TRMT1L: variants seen among roughly 807,000 people sequenced by gnomAD.
TRMT1L encodes the protein tRNA methyltransferase 1L.
A neutral mutation model predicts 81.6 loss-of-function variants in TRMT1L; 28 were observed. The ratio of observed to expected loss-of-function variants is 0.34; its 90% CI spans 0.25 to 0.47. The LOEUF (loss-of-function observed/expected upper bound fraction) is 0.47, where lower values mean the gene tolerates loss of function less well. Ranked by LOEUF, TRMT1L falls within the 20% of genes least tolerant of loss-of-function variation. The pLI is 1.00. For missense variants in TRMT1L, 739 were observed against 877.1 expected, an observed-to-expected ratio of 0.84 and a Z score of 1.99; for synonymous variants, 301 against 303.2, an observed-to-expected ratio of 0.99 and a Z score of 0.07.
rs1652436578 is a variant in TRMT1L, at chr1:185,119,251, T to A, written c.*768A>T. 1 of 152,124 alleles carries A rather than the reference T, an allele frequency of 6.6e-6. No homozygotes were observed. The highest frequency in any genetic ancestry group is 1.5e-5 in the Non-Finnish European group (1 of 68,014). 9.4% of individuals were successfully genotyped at this position (152,124 alleles called of 1,614,324 possible). ...AACCAAATGAATACTGTACGTGCAT[T>A]AACTGAGGCACTTAAGATCACCCAA... On this transcript the variant is annotated 3_prime_UTR_variant, in exon 15 of 15. Coordinates refer to ENST00000367506, the MANE Select transcript of TRMT1L (RefSeq NM_030934.5).
At chr1:185,122,712 T>C (rs2102227361) in intron 13 of TRMT1L, among the ~76,000 whole-genome samples, 1 of 141,632 alleles carries the variant, frequency 7.1e-6, no homozygotes, top group African/African-American at 2.7e-5. Context: ...TTTGAGACAG[T>C]CTCGATCTGT....
At chr1:185,135,427 AAAAG>A (rs1279674565) in intron 10 of TRMT1L, among the ~76,000 whole-genome samples, 10 of 151,750 alleles carry the variant, frequency 6.6e-5, no homozygotes, top group African/African-American at 2.2e-4. Flanking sequence ...AAAAAAAAAA[AAAAG>A]AAAGAAAAAC....
chr1:185,122,687 T>C (rs1652528477), intron 13 of TRMT1L, among the ~76,000 whole-genome samples: 1 of 148,222 alleles, frequency 6.7e-6, no homozygotes, highest in Non-Finnish European at 1.5e-5. Context: ...ATCTAATTTT[T>C]TTTTTTTTTT....
chr1:185,141,702 T>C (rs1653049686), intron 7 of TRMT1L, among the ~76,000 whole-genome samples: 1 of 152,088 alleles, frequency 6.6e-6, no homozygotes, highest in Non-Finnish European at 1.5e-5. Flanking sequence ...AAACTCTGTC[T>C]CAAAAGAGTA....
chr1:185,127,194 C>T (rs530513984), intron 11 of TRMT1L, among the ~76,000 whole-genome samples: 1 of 152,250 alleles, frequency 6.6e-6, no homozygotes, highest in African/African-American at 2.4e-5. Context: ...TTTTAATTTC[C>T]TCAGTTCTGA....
Position 185,138,225 on chromosome 1 carries a change from C to T in TRMT1L, c.1323-429G>A, listed in dbSNP as rs184066658. On this transcript the variant is annotated intron_variant, in intron 9 of 14. Coordinates refer to ENST00000367506, the MANE Select transcript of TRMT1L (RefSeq NM_030934.5). The stretch of plus-strand genomic sequence containing the variant: ...TACTGAAAATTGAGTGAAAAAAGAA[C>T]AGTCAAAGTCCTTTCCACCATTAAT... Among the ~76,000 whole-genome samples the T allele has an allele frequency of 2.6e-5, 4 of 152,160 alleles. No homozygotes were observed. In the East Asian group the frequency reaches 5.8e-4, roughly 22 times the overall value.
rs1208982042 is a variant in TRMT1L at position 185,124,968 on chromosome 1, C to G, written c.1735G>C (p.Ala579Pro). 6.2e-7 allele frequency: 1 copy of G among 1,610,920 alleles called. No homozygotes were observed. The highest frequency in any genetic ancestry group is 1.7e-5 in the Admixed American group (1 of 59,918). Residue 579 changes from alanine to proline, a missense_variant, in exon 12 of 15, where the codon GCA (alanine) becomes CCA (proline). By Grantham distance (27) the Ala-to-Pro change is conservative. Coordinates refer to ENST00000367506, the MANE Select transcript of TRMT1L (RefSeq NM_030934.5). ...CCTTGCTTGTTGACATTTGAAGATGCATGAATTGAAAACTGACTTTGAGGC... is the reference window on the plus strand; with the variant it reads ...CCTTGCTTGTTGACATTTGAAGATGGATGAATTGAAAACTGACTTTGAGGC... ...CTPQSQFSIH[A>P]SSNVNKQEEN...
chr1:185,123,960 A>C, intron 12 of TRMT1L, 41 bp from the exon 13 acceptor site: 1 of 1,172,580 alleles, frequency 8.5e-7, no homozygotes. Context: ...TATTTTACAG[A>C]ATGACATAAA....
chr1:185,128,777 A>G (rs1652696892), intron 10 of TRMT1L, 30 bp from the exon 11 acceptor site: 2 of 1,556,478 alleles, frequency 1.3e-6, no homozygotes, highest in East Asian at 2.2e-5. Context: ...GGAGAAATCA[A>G]AGGAGAAATG....
intron 7 of TRMT1L, among the ~76,000 whole-genome samples, chr1:185,141,696 T>A (rs1308834237): frequency 6.6e-6 from 1 of 152,042 alleles, no homozygotes; most frequent in African/African-American, 2.4e-5. Context: ...AGAGCGAAAC[T>A]CTGTCTCAAA....
chr1:185,143,846 G>A (rs1653114622), intron 6 of TRMT1L, 60 bp downstream of exon 6: 2 of 1,433,466 alleles, frequency 1.4e-6, no homozygotes, highest in South Asian at 2.8e-5. Context: ...TAAAGGTTAA[G>A]AGAAGGTACA....
chr1:185,130,686 T>C (rs1335826532), intron 10 of TRMT1L, among the ~76,000 whole-genome samples: 1 of 152,212 alleles, frequency 6.6e-6, no homozygotes, highest in Non-Finnish European at 1.5e-5. Flanking sequence ...CAATCAAGCG[T>C]CTGTGTCCTC....
chr1:185,139,124 CCTTTT>C (rs1249288059), intron 9 of TRMT1L, among the ~76,000 whole-genome samples: 1 of 152,172 alleles, frequency 6.6e-6, no homozygotes, highest in East Asian at 1.9e-4. Flanking sequence ...TTCACTTTTA[CCTTTT>C]CTTTCTTATA....
rs374554074 is a variant in TRMT1L at position 185,128,527 on chromosome 1, TAGG to T, written c.1592+139_1592+141del. 1.7e-4 allele frequency: 123 copies of T among 735,902 alleles called. No homozygotes were observed. The African/African-American group carries it at 1.7e-3, about 10-fold the overall frequency. 45.6% of individuals were successfully genotyped at this position (735,902 alleles called of 1,614,324 possible). On this transcript the variant is annotated intron_variant, in intron 11 of 14. Transcript: ENST00000367506. ...CAAAATATTAAACACCTCAGGTTCA[TAGG>T]AGGAGAAGAGTCATAATTATTTGCC...
intron 7 of TRMT1L, among the ~76,000 whole-genome samples, chr1:185,141,744 G>A (rs1169599485): frequency 6.6e-6 from 1 of 152,088 alleles, no homozygotes; most frequent in Non-Finnish European, 1.5e-5. Flanking sequence ...AGAATACTGA[G>A]AAATAAATTT....
chr1:185,120,073 T>C lies in TRMT1L; in HGVS notation c.2148A>G (p.Arg716=), dbSNP rs1652460862. 1 of 1,614,032 alleles carries C rather than the reference T, an allele frequency of 6.2e-7. No individual in the cohort carries two copies. The change falls in exon 15 of 15, where the codon AGA becomes AGG. Residue 716 remains arginine (R), a synonymous_variant. Transcript: ENST00000367506. ...QSASEDTVTE[R]VEMSVNDKAE... ...CTTTGTCATTCACTGACATTTCAAC[T>C]CTTTCAGTTACTGTATCTTCAGATG...
intron 10 of TRMT1L, chr1:185,137,319 T>G (rs1652924484): frequency 2.4e-6 from 1 of 421,238 alleles, no homozygotes; most frequent in Non-Finnish European, 4.3e-6. Context: ...AAAAACGTAA[T>G]CTGACTTATG....
rs1171417847 is a variant in TRMT1L at position 185,137,468 on chromosome 1, G to GA, written c.1513+137dup. On this transcript the variant is annotated intron_variant, in intron 10 of 14. Coordinates refer to ENST00000367506, the MANE Select transcript of TRMT1L (RefSeq NM_030934.5). ...CGAATGTCTTGTCTGTTGACGAAAGGAAATCCAGTATAGGAAATAACAAAG... is the reference window on the plus strand; with the variant it reads ...CGAATGTCTTGTCTGTTGACGAAAGGAAAATCCAGTATAGGAAATAACAAAG... 8 of 890,124 alleles carry GA rather than the reference G, an allele frequency of 9.0e-6. No homozygotes were observed. The African/African-American group carries it at 1.3e-4, about 15-fold the overall frequency. The allele number at this position is 890,124 out of a possible 1,614,324, so 55.1% of individuals were successfully genotyped here. A position where few individuals can be genotyped will look rare whatever the true frequency, so the allele number is the denominator to read the frequency against.
upstream of TRMT1L, chr1:185,157,048 A>T (rs573650823): frequency 3.3e-6 from 1 of 304,158 alleles, no homozygotes; most frequent in Non-Finnish European, 6.2e-6. Context: ...CCCACCGGCC[A>T]ACCACCAAAC....
Sources: gnomAD v4.1 joint callset for allele counts (sites outside exome capture counted in the v4.1 genomes callset) on GRCh38, gnomAD v4.1.1 for gene constraint, MANE v1.5 for transcripts, NCBI Gene and HGNC (gene_info 2026-07-23, HGNC 2026-07-21) for gene names.